Variants in TIPIN observed in about 807,000 individuals in gnomAD.
TIPIN encodes TIMELESS interacting protein.
A neutral mutation model predicts 35.6 loss-of-function variants in TIPIN; 29 were observed. The ratio of observed to expected loss-of-function variants is 0.82; its 90% CI spans 0.61 to 1.11. The LOEUF (loss-of-function observed/expected upper bound fraction) is 1.11, where lower values mean the gene tolerates loss of function less well. Among genes scored for constraint, TIPIN ranks in the 50% most tolerant of loss-of-function variants. The pLI is 0.00. For missense variants in TIPIN, 296 were observed against 345.4 expected (o/e 0.86, Z 1.13); for synonymous variants, 102 against 121.5 (o/e 0.84, Z 1.06).
chr15:66,366,979 G>T, intron 1 of TIPIN: 1 of 690,670 alleles, frequency 1.4e-6, no homozygotes, highest in Non-Finnish European at 1.8e-6. Context: ...TCAGGAGTTT[G>T]AGACCAGCCT....
chr15:66,336,542 A>G lies in TIPIN; in HGVS notation c.*416T>C, dbSNP rs191419578. 1.1e-3 allele frequency: 204 copies of G among 179,092 alleles called. No homozygotes were observed. Among genetic ancestry groups the G allele is most frequent in the Admixed American group, 3.4e-3 (62 of 18,262 alleles). 11.1% of individuals were successfully genotyped at this position (179,092 alleles called of 1,614,324 possible). Reference sequence around the variant, plus strand: ...GCACTCCAGCCTGGCCAACAGAGTGAGACTCTGTGTCAAAAAAAACAAAAC... The same window carrying G: ...GCACTCCAGCCTGGCCAACAGAGTGGGACTCTGTGTCAAAAAAAACAAAAC... On this transcript the variant is annotated 3_prime_UTR_variant, in exon 8 of 8. Coordinates refer to ENST00000261881, the MANE Select transcript of TIPIN (RefSeq NM_017858.3).
intron 1 of TIPIN, among the ~76,000 whole-genome samples, chr15:66,353,750 T>C (rs866367747): frequency 2.0e-4 from 30 of 152,228 alleles, no homozygotes; most frequent in South Asian, 2.1e-4. Flanking sequence ...TATCCTCAGG[T>C]TGATAACTCG....
At chr15:66,342,186 C>CAAAAAAAAAAAAAAAAAA (rs55711983) in intron 6 of TIPIN, among the ~76,000 whole-genome samples, 16 of 108,518 alleles carry the variant, frequency 1.5e-4, no homozygotes, top group African/African-American at 3.1e-4. Context: ...AAGACTGTCT[C>CAAAAAAAAAAAAAAAAAA]AAAAAAAAAA....
intron 3 of TIPIN, among the ~76,000 whole-genome samples, chr15:66,351,855 G>T (rs1320760018): frequency 6.6e-6 from 1 of 151,962 alleles, no homozygotes; most frequent in Non-Finnish European, 1.5e-5. Context: ...TAGCCAGGAT[G>T]GTCTCAATCT....
chr15:66,367,075 G>A (rs1312029374), intron 1 of TIPIN, among the ~76,000 whole-genome samples: 8 of 151,878 alleles, frequency 5.3e-5, no homozygotes, highest in African/African-American at 1.9e-4. Flanking sequence ...AGCTACTTAG[G>A]AGGCTGAGGC....
intron 4 of TIPIN, 41 bp from the exon 5 acceptor site, chr15:66,349,478 C>T (rs768256613): frequency 6.3e-7 from 1 of 1,596,120 alleles, no homozygotes; most frequent in African/African-American, 1.3e-5. Context: ...GAGTCTCATT[C>T]TCACAGCTGA....
chr15:66,337,329 T>A (rs937795363), intron 7 of TIPIN, 148 bp from the exon 8 acceptor site: 9,215 of 202,176 alleles, frequency 0.046, 21 homozygotes, highest in East Asian at 0.086. Flanking sequence ...TAAATATATC[T>A]TTTTTTTTTT....
chr15:66,383,120 G>A, intron 1 of TIPIN: 1 of 422,292 alleles, frequency 2.4e-6, no homozygotes, highest in Non-Finnish European at 3.2e-6. Flanking sequence ...AAAGAATGCT[G>A]CATTTTACAC....
rs750533050 is a variant in TIPIN, at chr15:66,337,026, C to G, written c.838G>C (p.Asp280His). 2 of 1,614,018 alleles carry G rather than the reference C, an allele frequency of 1.2e-6. No individual in the cohort carries two copies. The highest frequency in any genetic ancestry group is 1.3e-5 in the African/African-American group (1 of 75,024). Residue 280 changes from aspartate to histidine, a missense_variant, in exon 8 of 8, where the codon GAC becomes CAC. Physicochemically the swap from Asp to His is moderately conservative, Grantham distance 81. Transcript: ENST00000261881. ...TGTTGCACATTTTTAAAAGACTGGT[C>G]CAGCAGTGTTTCCTCTTCATTTAAA... ...NTLNEEETLL[D>H]QSFKNVQQQL...
chr15:66,371,977 TAG>T (rs887167692), intron 1 of TIPIN, among the ~76,000 whole-genome samples: 4 of 152,102 alleles, frequency 2.6e-5, no homozygotes, highest in African/African-American at 9.7e-5. Context: ...GTATTTTTTA[TAG>T]AGAGAGGTTC....
chr15:66,346,007 C>T (rs1415252580), intron 6 of TIPIN, among the ~76,000 whole-genome samples: 4 of 151,132 alleles, frequency 2.6e-5, no homozygotes, highest in Non-Finnish European at 4.4e-5. Context: ...AGTGTAATGG[C>T]GCAATCTCGG....
rs1206869335 is a variant in TIPIN, at chr15:66,341,287, G to A, written c.545C>T (p.Ser182Phe). Residue 182 changes from serine to phenylalanine, a missense_variant, in exon 7 of 8, where the codon TCT becomes TTT. Coordinates refer to ENST00000261881, the MANE Select transcript of TIPIN (RefSeq NM_017858.3). ...TELDPFLTNL[S>F]ESEMFASELS... is the part of the protein sequence containing the mutation. ...CTCAGAAGCAAACATCTCACTTTCA[G>A]ATAAGTTTGTCAGAAAGGGATCTAA... is the stretch of plus-strand genomic sequence containing the variant. The A allele has an allele frequency of 6.2e-7, 1 of 1,613,924 alleles. No homozygotes were observed. The highest frequency in any genetic ancestry group is 1.1e-5 in the South Asian group (1 of 91,078).
rs368302596 is a variant in TIPIN, at chr15:66,345,710, CA to C, written c.475+3349del. Among the ~76,000 whole-genome samples the C allele has an allele frequency of 3.4e-3, 454 of 133,724 alleles. 1 individual carries two copies. Among genetic ancestry groups the C allele is most frequent in the African/African-American group, 9.5e-3 (344 of 36,286 alleles). The allele number at this position is 133,724 out of a possible 152,430, so 87.7% of individuals were successfully genotyped here. A position where few individuals can be genotyped will look rare whatever the true frequency, so the allele number is the denominator to read the frequency against. ...TAGGCAACAGAGTGAGACTCCGTCT[CA>C]AAAAAAAAAAAGTACATTACAAATC... is the stretch of plus-strand genomic sequence containing the variant. On this transcript the variant is annotated intron_variant, in intron 6 of 7. Transcript: ENST00000261881.
At chr15:66,340,966 T>C (rs543908632) in intron 7 of TIPIN, among the ~76,000 whole-genome samples, 184 bp downstream of exon 7, 129 of 152,298 alleles carry the variant, frequency 8.5e-4, no homozygotes, top group African/African-American at 2.9e-3. Context: ...ATTTATTCTT[T>C]AAGGAACACA....
rs2093083839 is a variant in TIPIN at position 66,341,177 on chromosome 15, G to C, written c.655C>G (p.Leu219Val). Residue 219 changes from leucine (L) to valine (V), a missense_variant, in exon 7 of 8, where the codon CTG becomes GTG. By Grantham distance (32) the Leu-to-Val change is conservative. Coordinates refer to ENST00000261881, the MANE Select transcript of TIPIN (RefSeq NM_017858.3). ...TTTCCTAGGGTCTGACTATTACTCAGCAGCTTTGCCTGCCTTCTTTCCAAG... is the reference window on the plus strand; with the variant it reads ...TTTCCTAGGGTCTGACTATTACTCACCAGCTTTGCCTGCCTTCTTTCCAAG... ...LALERRQAKL[L>V]SNSQTLGNDM... 1 of 1,611,810 alleles carries C rather than the reference G, an allele frequency of 6.2e-7. No homozygotes were observed. Among genetic ancestry groups the C allele is most frequent in the African/African-American group, 1.3e-5 (1 of 74,844 alleles).
At chr15:66,339,848 C>G in intron 7 of TIPIN, among the ~76,000 whole-genome samples, 1 of 152,082 alleles carries the variant, frequency 6.6e-6, no homozygotes, top group East Asian at 1.9e-4. Flanking sequence ...CAGCTCACAA[C>G]CAAGTGACAA....
At chr15:66,381,946 T>C (rs902649722) in intron 1 of TIPIN, among the ~76,000 whole-genome samples, 1 of 152,046 alleles carries the variant, frequency 6.6e-6, no homozygotes, top group Non-Finnish European at 1.5e-5. Context: ...GTGCCTGTAA[T>C]CCCAGCTACT....
intron 6 of TIPIN, among the ~76,000 whole-genome samples, chr15:66,342,875 TTAAAG>T (rs1432475491): frequency 3.3e-5 from 5 of 152,216 alleles, no homozygotes; most frequent in Non-Finnish European, 5.9e-5. Context: ...CACAGTGGTA[TTAAAG>T]TAAATAATAG....
At chr15:66,380,684 G>A (rs1002663579) in intron 1 of TIPIN, among the ~76,000 whole-genome samples, 54 of 151,940 alleles carry the variant, frequency 3.6e-4, no homozygotes, top group Admixed American at 3.2e-3. Flanking sequence ...GCGTGGTGGC[G>A]GGTGCCTGTA....
Sources: gnomAD v4.1 joint callset for allele counts (sites outside exome capture counted in the v4.1 genomes callset) on GRCh38, gnomAD v4.1.1 for gene constraint, MANE v1.5 for transcripts, NCBI Gene and HGNC (gene_info 2026-07-23, HGNC 2026-07-21) for gene names.